PHACTR4: variants seen among roughly 807,000 people sequenced by gnomAD.
PHACTR4 encodes the protein protein phosphatase 1, regulatory subunit 124.
PHACTR4 carries 51 observed loss-of-function variants against 72.7 expected under a neutral mutation model. The observed-to-expected ratio is 0.70, with a 90% CI of 0.56 to 0.89. The LOEUF (loss-of-function observed/expected upper bound fraction) is 0.89. Among genes scored for constraint, PHACTR4 ranks in the 40% least tolerant of loss-of-function variants. PHACTR4 has a pLI of 0.00. For synonymous variants in PHACTR4, 255 were observed against 302.5 expected (o/e 0.84, Z 1.63); for missense variants, 731 against 861.8 (o/e 0.85, Z 1.90).
At chr1:28,383,221 C>CTTTTT (rs559366120) in intron 1 of PHACTR4, among the ~76,000 whole-genome samples, 74 of 152,154 alleles carry the variant, frequency 4.9e-4, no homozygotes, top group Middle Eastern at 3.4e-3. Flanking sequence ...GTCTATGTGT[C>CTTTTT]TTTTTTTGTA....
intron 2 of PHACTR4, among the ~76,000 whole-genome samples, chr1:28,449,841 C>T (rs576390768): frequency 6.8e-6 from 1 of 147,760 alleles, no homozygotes; most frequent in East Asian, 2.0e-4. Flanking sequence ...GACAGAGTGA[C>T]ACTCTGTATA....
rs947568045 is a variant in PHACTR4 at position 28,401,455 on chromosome 1, C to T, written c.-38-5955C>T. ...CCACGTAGCTGGGATTACAGGCGCC[C>T]GCCACCATGCCCGGCTAATTTTTAT... is the stretch of plus-strand genomic sequence containing the variant. On this transcript the variant is annotated intron_variant, in intron 1 of 13. Transcript: ENST00000373839. 1.3e-4 allele frequency among the ~76,000 whole-genome samples: 19 copies of T among 151,730 alleles called. No homozygotes were observed. The South Asian group carries it at 2.1e-3, about 17-fold the overall frequency.
At chr1:28,490,542 A>AG (rs1207815307) in intron 10 of PHACTR4, among the ~76,000 whole-genome samples, 1 of 151,652 alleles carries the variant, frequency 6.6e-6, no homozygotes, top group Non-Finnish European at 1.5e-5. Context: ...AAAAAAAAAA[A>AG]AGAAAAAAAA....
At chr1:28,425,325 G>A (rs558404018) in intron 2 of PHACTR4, among the ~76,000 whole-genome samples, 2 of 151,858 alleles carry the variant, frequency 1.3e-5, no homozygotes, top group Non-Finnish European at 1.5e-5. Context: ...CACCATGTTG[G>A]CCAGGCTGGT....
chr1:28,485,445 G>C (rs531743762), intron 9 of PHACTR4, among the ~76,000 whole-genome samples: 60 of 151,562 alleles, frequency 4.0e-4, no homozygotes, highest in African/African-American at 1.4e-3. Context: ...AAATTAGCCG[G>C]GTGTTGTGGC....
chr1:28,377,928 T>C (rs4908409), intron 1 of PHACTR4, among the ~76,000 whole-genome samples: 39,495 of 151,540 alleles, frequency 0.26, 5,265 homozygotes, highest in Middle Eastern at 0.33. Flanking sequence ...CCAGATGTGT[T>C]GGCTCACGCC....
At chr1:28,391,446 A>G (rs1304549625) in intron 1 of PHACTR4, among the ~76,000 whole-genome samples, 1 of 151,486 alleles carries the variant, frequency 6.6e-6, no homozygotes, top group Non-Finnish European at 1.5e-5. Flanking sequence ...AGTAAAACTC[A>G]TAGAAGCAGA....
chr1:28,491,511 G>A, intron 11 of PHACTR4, 139 bp from the exon 12 acceptor site: 1 of 1,125,216 alleles, frequency 8.9e-7, no homozygotes, highest in South Asian at 1.4e-5. Context: ...CTGGGGGTGG[G>A]ACCTCCAGGG....
intron 1 of PHACTR4, among the ~76,000 whole-genome samples, chr1:28,372,090 G>A (rs2124088605): frequency 6.7e-6 from 1 of 150,322 alleles, no homozygotes; most frequent in South Asian, 2.1e-4. Flanking sequence ...TCACCGTGTT[G>A]GCCAGGCTGG....
intron 4 of PHACTR4, among the ~76,000 whole-genome samples, chr1:28,465,412 A>G (rs1000146434): frequency 3.3e-5 from 5 of 152,078 alleles, no homozygotes; most frequent in Admixed American, 1.3e-4. Context: ...GCGAGCCAAG[A>G]TCATGCCACT....
intron 2 of PHACTR4, among the ~76,000 whole-genome samples, chr1:28,411,938 T>C (rs1654822469): frequency 6.6e-6 from 1 of 151,992 alleles, no homozygotes; most frequent in South Asian, 2.1e-4. Context: ...AAAGAATTAT[T>C]TGTGGTATTC....
Position 28,474,143 on chromosome 1 carries a change from G to C in PHACTR4, c.1413G>C (p.Met471Ile). ...GGTCTCTTCCCATCACTATTGAAATGCTAAAAGTGTAAGTGCCTTTAAAGC... is the reference window on the plus strand; with the variant it reads ...GGTCTCTTCCCATCACTATTGAAATCCTAAAAGTGTAAGTGCCTTTAAAGC... Reference protein sequence around the residue: ...RTRSLPITIEMLKVPDDEEEE... With the variant: ...RTRSLPITIEILKVPDDEEEE... Residue 471 changes from methionine to isoleucine, a missense_variant, in exon 7 of 14, where the codon ATG becomes ATC. Coordinates refer to ENST00000373839, the MANE Select transcript of PHACTR4 (RefSeq NM_001048183.3). 1.9e-6 allele frequency: 3 copies of C among 1,608,198 alleles called. No homozygotes were observed. Among genetic ancestry groups the C allele is most frequent in the Non-Finnish European group, 2.5e-6 (3 of 1,176,706 alleles).
rs1410617534 is a variant in PHACTR4 at position 28,421,180 on chromosome 1, T to C, written c.16+13717T>C. 2.0e-5 allele frequency among the ~76,000 whole-genome samples: 3 copies of C among 152,308 alleles called. No homozygotes were observed. The South Asian group carries it at 6.2e-4, about 32-fold the overall frequency. On this transcript the variant is annotated intron_variant, in intron 2 of 13. Coordinates refer to ENST00000373839, the MANE Select transcript of PHACTR4 (RefSeq NM_001048183.3). The stretch of plus-strand genomic sequence containing the variant: ...GACCTTTCATGATCAGAGCTTTGAG[T>C]TGACCCAAAGGCAGGGTAATTTTTA...
At chr1:28,431,341 C>T (rs1223420450) in intron 2 of PHACTR4, among the ~76,000 whole-genome samples, 1 of 150,078 alleles carries the variant, frequency 6.7e-6, no homozygotes, top group Non-Finnish European at 1.5e-5. Flanking sequence ...ACTACAGGCA[C>T]GTGCCACCAT....
intron 1 of PHACTR4, among the ~76,000 whole-genome samples, chr1:28,388,765 G>T (rs1449049918): frequency 6.6e-6 from 1 of 152,012 alleles, no homozygotes; most frequent in African/African-American, 2.4e-5. Context: ...TAGGAGAATC[G>T]CTTGAACCCA....
chr1:28,385,150 C>T (rs904348976), intron 1 of PHACTR4, among the ~76,000 whole-genome samples: 1 of 152,140 alleles, frequency 6.6e-6, no homozygotes, highest in Non-Finnish European at 1.5e-5. Context: ...CCTCTTAACA[C>T]TGCCTTAGCT....
chr1:28,465,810 A>T lies in PHACTR4; in HGVS notation c.397A>T (p.Arg133Trp), dbSNP rs752019337. 1 of 1,612,572 alleles carries T rather than the reference A, an allele frequency of 6.2e-7. No individual in the cohort carries two copies. The highest frequency in any genetic ancestry group is 8.5e-7 in the Non-Finnish European group (1 of 1,179,226). Reference protein sequence around the residue: ...EEEPVRLASLRKAIPEEDLKK... With the variant: ...EEEPVRLASLWKAIPEEDLKK... Reference sequence around the variant, plus strand: ...AGAGCCAGTAAGATTAGCAAGTCTTAGGAAAGCTATTCCAGAAGAGGACCT... The same window carrying T: ...AGAGCCAGTAAGATTAGCAAGTCTTTGGAAAGCTATTCCAGAAGAGGACCT... The change falls in exon 5 of 14, where the codon AGG (arginine) becomes TGG (tryptophan). Residue 133 changes from arginine (R) to tryptophan (W), a missense_variant. This residue lies in a region of PHACTR4 where 621 missense variants were observed against 676.6 expected (regional missense o/e 0.92). Transcript: ENST00000373839.
chr1:28,487,062 GTACT>G (rs1369880282), intron 9 of PHACTR4, among the ~76,000 whole-genome samples: 3 of 151,768 alleles, frequency 2.0e-5, no homozygotes, highest in Non-Finnish European at 4.4e-5. Context: ...ACATACATAC[GTACT>G]TTTTAAAAAA....
chr1:28,444,884 C>T (rs529524336), intron 2 of PHACTR4, among the ~76,000 whole-genome samples: 45 of 151,216 alleles, frequency 3.0e-4, no homozygotes, highest in South Asian at 2.1e-3. Context: ...GCCTCGGCAT[C>T]CCAAAGTGCT....
Sources: allele counts gnomAD v4.1 joint callset (sites outside exome capture counted in the v4.1 genomes callset), GRCh38; gene constraint gnomAD v4.1.1; regional missense constraint gnomAD v4.1.1; transcripts MANE v1.5; gene names NCBI Gene and HGNC (gene_info 2026-07-23, HGNC 2026-07-21).